The following ERCC6 variants were observed in gnomAD, a reference collection of about 807,000 sequenced individuals.
ERCC6 encodes the protein DNA excision repair protein ERCC-6.
ERCC6 carries 116 observed loss-of-function variants against 158.7 expected under a neutral mutation model. The observed-to-expected ratio is 0.73, with a 90% CI of 0.63 to 0.85. The LOEUF is 0.85. ERCC6 is among the 40% of genes least tolerant of loss of function. The probability of loss-of-function intolerance (pLI) is 0.00; values close to 1 mark genes in which losing one functional copy is unlikely to be tolerated. For missense variants in ERCC6, 1,698 were observed against 1,799.4 expected, an observed-to-expected ratio of 0.94 and a Z score of 1.02; for synonymous variants, 678 against 659.3, an observed-to-expected ratio of 1.03 and a Z score of -0.43.
chr10:49,503,776 T>G (rs564705309), intron 6 of ERCC6: 22 of 152,304 alleles, frequency 1.4e-4, no homozygotes, highest in African/African-American at 5.1e-4. Context: ...AAAATTACTC[T>G]TTAGGGACAG....
intron 5 of ERCC6, chr10:49,516,080 T>A: frequency 6.2e-7 from 1 of 1,614,152 alleles, no homozygotes; most frequent in Non-Finnish European, 8.5e-7. Context: ...AATGGTATTG[T>A]CCAGGGTGTG....
At chr10:49,476,893 C>T (rs1277452590) in intron 11 of ERCC6, among the ~76,000 whole-genome samples, 2 of 152,200 alleles carry the variant, frequency 1.3e-5, no homozygotes, top group East Asian at 1.9e-4. Flanking sequence ...TTAGCCACCC[C>T]TCTGCCACCT....
the ERCC6 span, among the ~76,000 whole-genome samples, chr10:49,435,491 A>G: frequency 6.6e-6 from 1 of 152,340 alleles, no homozygotes; most frequent in East Asian, 1.9e-4. Context: ...GACCACAGTG[A>G]AACAGCACTA....
Position 49,524,768 on chromosome 10 carries a change from G to T in ERCC6, c.662C>A (p.Pro221Gln). Residue 221 changes from proline to glutamine, a missense_variant, in exon 5 of 21, where the codon CCA (proline) becomes CAA (glutamine). Transcript: ENST00000355832. Reference protein sequence around the residue: ...ASLEEDAEPGPSSLGSMLMPV... With the variant: ...ASLEEDAEPGQSSLGSMLMPV... ...CATGAGCATGCTGCCAAGACTGGAT[G>T]GCCCCGGCTCTGAAAGAACAATAGC... 6.2e-7 allele frequency: 1 copy of T among 1,601,982 alleles called. No homozygotes were observed. Among genetic ancestry groups the T allele is most frequent in the Non-Finnish European group, 8.5e-7 (1 of 1,179,964 alleles).
intron 2 of ERCC6, 95 bp downstream of exon 2, chr10:49,532,448 T>C (rs1837490801): frequency 6.3e-7 from 1 of 1,579,042 alleles, no homozygotes; most frequent in Admixed American, 1.7e-5. Context: ...TCTACACATC[T>C]CCTAAACTTC....
chr10:49,451,802 G>A (rs1850422742), downstream of ERCC6, among the ~76,000 whole-genome samples: 1 of 152,160 alleles, frequency 6.6e-6, no homozygotes, highest in Non-Finnish European at 1.5e-5. Flanking sequence ...AAGAGTTTGA[G>A]AATAATTGCT....
chr10:49,441,733 C>T, the ERCC6 span, among the ~76,000 whole-genome samples: 13 of 152,226 alleles, frequency 8.5e-5, no homozygotes, highest in Admixed American at 8.5e-4. Flanking sequence ...ACGCTGTCCG[C>T]CCGCAGCGCC....
At chr10:49,531,097 T>C (rs1242829899) in intron 2 of ERCC6, among the ~76,000 whole-genome samples, 1 of 152,220 alleles carries the variant, frequency 6.6e-6, no homozygotes, top group Admixed American at 6.5e-5. Context: ...GCTTCAGTCA[T>C]TCTACAAGCA....
chr10:49,498,110 T>C (rs543078215), intron 7 of ERCC6, among the ~76,000 whole-genome samples: 1 of 152,230 alleles, frequency 6.6e-6, no homozygotes, highest in Non-Finnish European at 1.5e-5. Context: ...AGTACAGATG[T>C]TTATTAACCA....
the ERCC6 span, among the ~76,000 whole-genome samples, chr10:49,440,908 G>C: frequency 0.42 from 63,732 of 151,998 alleles, 14,363 homozygotes; most frequent in Non-Finnish European, 0.5. Flanking sequence ...AAGAAGAGAA[G>C]AACCCTGGAA....
the ERCC6 span, among the ~76,000 whole-genome samples, chr10:49,439,906 C>T: frequency 6.6e-6 from 1 of 152,190 alleles, no homozygotes; most frequent in Non-Finnish European, 1.5e-5. Context: ...GTTCCCAAAA[C>T]AAGTTTCTCA....
intron 8 of ERCC6, among the ~76,000 whole-genome samples, chr10:49,484,911 A>C (rs560044892): frequency 6.6e-6 from 1 of 152,338 alleles, no homozygotes; most frequent in Admixed American, 6.5e-5. Flanking sequence ...CGTAATTCTA[A>C]GAAGGAAAAG....
At chr10:49,500,742 G>A in intron 6 of ERCC6, 46 bp from the exon 7 acceptor site, 1 of 1,597,184 alleles carries the variant, frequency 6.3e-7, no homozygotes, top group Non-Finnish European at 8.6e-7. Context: ...GGCAAATGGT[G>A]GATAATACAG....
intron 4 of ERCC6, among the ~76,000 whole-genome samples, chr10:49,525,534 T>C (rs759944917): frequency 5.3e-5 from 8 of 152,214 alleles, no homozygotes; most frequent in African/African-American, 9.7e-5. Flanking sequence ...CTTTCATTAG[T>C]TGAAATTCAT....
chr10:49,437,069 G>A, the ERCC6 span, among the ~76,000 whole-genome samples: 1 of 152,114 alleles, frequency 6.6e-6, no homozygotes, highest in African/African-American at 2.4e-5. Context: ...TTTCCCCCAT[G>A]CTGTTCTTGT....
chr10:49,505,440 A>AT (rs1217610728), intron 6 of ERCC6: 1 of 166,002 alleles, frequency 6.0e-6, no homozygotes, highest in Admixed American at 6.0e-5. Context: ...CTCAGGTACA[A>AT]TATAAGACAC....
rs112475110 is a variant in ERCC6, at chr10:49,463,812, G to A, written c.3779-2256C>T. Among the ~76,000 whole-genome samples the A allele has an allele frequency of 4.9e-3, 745 of 152,326 alleles. 3 individuals are homozygous for A. The highest frequency in any genetic ancestry group is 9.7e-3 in the Admixed American group (148 of 15,306). ...TTGCCTGCTGCCGTCCATGTAAGAT[G>A]TGACTTGCTCCTCCTTGCCTTCTGA... On this transcript the variant is annotated intron_variant, in intron 18 of 20. Transcript: ENST00000355832.
intron 5 of ERCC6, among the ~76,000 whole-genome samples, chr10:49,507,087 T>C (rs1298503620): frequency 1.3e-5 from 2 of 152,148 alleles, no homozygotes; most frequent in Admixed American, 1.3e-4. Flanking sequence ...ATACTACACA[T>C]GCTGCCTGGC....
chr10:49,487,790 T>A (rs1851101357), intron 8 of ERCC6, among the ~76,000 whole-genome samples: 1 of 152,188 alleles, frequency 6.6e-6, no homozygotes, highest in Non-Finnish European at 1.5e-5. Context: ...ATAGAAATGT[T>A]AGCTATAGAA....
Sources: gnomAD v4.1 joint callset for allele counts (sites outside exome capture counted in the v4.1 genomes callset) on GRCh38, gnomAD v4.1.1 for gene constraint, MANE v1.5 for transcripts, NCBI Gene and HGNC (gene_info 2026-07-23, HGNC 2026-07-21) for gene names.